Variants in TENM3 observed in about 807,000 individuals in gnomAD.
TENM3 encodes the protein teneurin transmembrane protein 3, also known as teneurin-3.
A neutral mutation model predicts 255.1 loss-of-function variants in TENM3; 63 were observed. The ratio of observed to expected loss-of-function variants is 0.25; its 90% CI spans 0.20 to 0.30. The LOEUF is 0.30. TENM3 is among the 10% of genes least tolerant of loss of function. TENM3 has a pLI of 1.00. For synonymous variants in TENM3, 1,306 were observed against 1,322.3 expected (o/e 0.99, Z 0.27); for missense variants, 2,929 against 3,461.1 (o/e 0.85, Z 3.86).
At chr4:181,907,999 G>A in the TENM3 span, among the ~76,000 whole-genome samples, 2 of 152,028 alleles carry the variant, frequency 1.3e-5, no homozygotes, top group Non-Finnish European at 1.5e-5. Flanking sequence ...TTAAGACAAC[G>A]TGTATTTTTG....
chr4:182,249,229 G>T (rs530860088), intron 1 of TENM3, among the ~76,000 whole-genome samples: 52 of 152,298 alleles, frequency 3.4e-4, no homozygotes, highest in Non-Finnish European at 5.7e-4. Context: ...CCAGATGGAA[G>T]TGGAATTTAG....
intron 3 of TENM3, among the ~76,000 whole-genome samples, chr4:182,385,545 G>A (rs1345447976): frequency 3.9e-5 from 6 of 152,132 alleles, no homozygotes; most frequent in Admixed American, 2.0e-4. Context: ...GATTATAGGC[G>A]TGAGCCACCG....
At chr4:181,760,218 A>C in the TENM3 span, among the ~76,000 whole-genome samples, 56 of 152,296 alleles carry the variant, frequency 3.7e-4, no homozygotes, top group African/African-American at 1.2e-3. Context: ...AAATCTCCAC[A>C]TATAGATTTA....
chr4:182,677,746 T>G (rs1755777696), intron 7 of TENM3, among the ~76,000 whole-genome samples: 1 of 152,144 alleles, frequency 6.6e-6, no homozygotes, highest in African/African-American at 2.4e-5. Context: ...CTGATGAAAC[T>G]ACACAAAAGA....
intron 3 of TENM3, among the ~76,000 whole-genome samples, chr4:182,441,085 G>C (rs1380173356): frequency 6.6e-6 from 1 of 152,138 alleles, no homozygotes; most frequent in Non-Finnish European, 1.5e-5. Context: ...AAATTCATCT[G>C]TGTGTGGTGT....
intron 3 of TENM3, among the ~76,000 whole-genome samples, chr4:182,559,627 ATTTT>A (rs1429172294): frequency 6.6e-6 from 1 of 152,018 alleles, no homozygotes. Context: ...TTTTCTATTG[ATTTT>A]TTTAATGCCC....
At chr4:182,293,770 C>T (rs1313583718) in intron 1 of TENM3, among the ~76,000 whole-genome samples, 1 of 152,094 alleles carries the variant, frequency 6.6e-6, no homozygotes, top group Non-Finnish European at 1.5e-5. Flanking sequence ...GAGTCCCTTC[C>T]AAATTTTTTC....
chr4:181,618,442 C>A, the TENM3 span, among the ~76,000 whole-genome samples: 1 of 152,164 alleles, frequency 6.6e-6, no homozygotes, highest in Non-Finnish European at 1.5e-5. Context: ...CAGCTGTTGA[C>A]CAGAGGGTGA....
the TENM3 span, among the ~76,000 whole-genome samples, chr4:181,600,964 G>A: frequency 5.1e-4 from 77 of 152,254 alleles, no homozygotes; most frequent in African/African-American, 1.7e-3. Context: ...TCACAGAAGC[G>A]TGGTGGTCTA....
At chr4:181,691,628 G>A in the TENM3 span, among the ~76,000 whole-genome samples, 7 of 152,026 alleles carry the variant, frequency 4.6e-5, no homozygotes, top group South Asian at 2.1e-4. Flanking sequence ...GATCTGCACC[G>A]TCAAAATTCT....
chr4:181,541,368 G>A, the TENM3 span, among the ~76,000 whole-genome samples: 2 of 152,100 alleles, frequency 1.3e-5, no homozygotes, highest in Admixed American at 1.3e-4. Context: ...CTAGGTGACA[G>A]AGCGAGATCC....
the TENM3 span, among the ~76,000 whole-genome samples, chr4:182,112,212 T>G: frequency 6.6e-6 from 1 of 152,150 alleles, no homozygotes; most frequent in African/African-American, 2.4e-5. Flanking sequence ...ATTGGACTTT[T>G]TATTGACCTG....
In TENM3 at chr4:182,155,864, T is replaced by G. The variant is rs1041253809; in HGVS notation, c.-76+11110T>G. On this transcript the variant is annotated intron_variant, in intron 1 of 2. Transcript: ENST00000512480. The stretch of plus-strand genomic sequence containing the variant: ...AATATATGTGTTTCAATTTAGAGTT[T>G]AGAAGTAATACAGATTAAGGATTTT... Among the ~76,000 whole-genome samples, 5 of 152,314 alleles carry G rather than the reference T, an allele frequency of 3.3e-5. No individual in the cohort carries two copies. In the East Asian group the frequency reaches 7.7e-4, roughly 23 times the overall value.
the TENM3 span, among the ~76,000 whole-genome samples, chr4:182,065,225 G>A: frequency 1.3e-5 from 2 of 151,936 alleles, no homozygotes; most frequent in Non-Finnish European, 2.9e-5. Flanking sequence ...TGCAGAGATG[G>A]GCTTTCACCA....
At chr4:182,150,702 A>T (rs907868763) in intron 1 of TENM3, among the ~76,000 whole-genome samples, 1 of 152,146 alleles carries the variant, frequency 6.6e-6, no homozygotes, top group Non-Finnish European at 1.5e-5. Context: ...ACCTTTAAAG[A>T]TACAGCTCTT....
chr4:182,777,812 C>G (rs1379550160), intron 24 of TENM3, among the ~76,000 whole-genome samples: 1 of 148,158 alleles, frequency 6.7e-6, no homozygotes, highest in Non-Finnish European at 1.5e-5. Flanking sequence ...CCCGCCTCGG[C>G]CTCCCAAAGT....
chr4:181,884,255 G>A, the TENM3 span, among the ~76,000 whole-genome samples: 9 of 151,756 alleles, frequency 5.9e-5, no homozygotes, highest in Non-Finnish European at 1.2e-4. Context: ...GAATTACTAC[G>A]AATTTCCCGT....
chr4:181,643,575 T>C, the TENM3 span, among the ~76,000 whole-genome samples: 35 of 152,018 alleles, frequency 2.3e-4, no homozygotes, highest in East Asian at 9.7e-4. Context: ...ACAATTCTAA[T>C]TGGACTAAGG....
At chr4:181,838,344 A>G in the TENM3 span, among the ~76,000 whole-genome samples, 1 of 152,088 alleles carries the variant, frequency 6.6e-6, no homozygotes, top group African/African-American at 2.4e-5. Flanking sequence ...CTTTTTTGCC[A>G]TGTTTTGGCA....
Sources: gnomAD v4.1 joint callset for allele counts (sites outside exome capture counted in the v4.1 genomes callset) on GRCh38, gnomAD v4.1.1 for gene constraint, MANE v1.5 for transcripts, NCBI Gene and HGNC (gene_info 2026-07-23, HGNC 2026-07-21) for gene names.